Variants in DDX60L observed in about 807,000 individuals in gnomAD.
The protein encoded by DDX60L is DExD/H-box 60 like.
Under a neutral mutation model 211.6 loss-of-function variants are expected in DDX60L, and 191 were observed. The observed-to-expected ratio is 0.90, with a 90% CI of 0.80 to 1.02. The LOEUF is 1.02. Ranked by LOEUF, DDX60L falls within the 50% of genes least tolerant of loss-of-function variation. The probability of loss-of-function intolerance (pLI) is 0.00; values close to 1 mark genes in which losing one functional copy is unlikely to be tolerated. For synonymous variants in DDX60L, 706 were observed against 694.1 expected (o/e 1.02, Z -0.27); for missense variants, 2,007 against 1,984.1 (o/e 1.01, Z -0.22).
chr4:168,406,556 G>T, intron 23 of DDX60L, 46 bp downstream of exon 23: 1 of 1,391,474 alleles, frequency 7.2e-7, no homozygotes, highest in Admixed American at 2.0e-5. Flanking sequence ...TTCTGGAATA[G>T]CATTAACTAA....
intron 35 of DDX60L, among the ~76,000 whole-genome samples, 171 bp from the exon 36 acceptor site, chr4:168,371,934 T>C (rs551450167): frequency 6.6e-6 from 1 of 151,942 alleles, no homozygotes; most frequent in East Asian, 1.9e-4. Flanking sequence ...ATAGGGCCCA[T>C]TACAGTGAGG....
At chr4:168,449,187 C>G (rs1755283232) in intron 8 of DDX60L, among the ~76,000 whole-genome samples, 2 of 152,010 alleles carry the variant, frequency 1.3e-5, no homozygotes, top group Non-Finnish European at 2.9e-5. Flanking sequence ...CCCTGGTGAG[C>G]AGGAAGAAGT....
chr4:168,416,887 G>A (rs1749661113), intron 19 of DDX60L, 90 bp from the exon 20 acceptor site: 1 of 679,818 alleles, frequency 1.5e-6, no homozygotes. Context: ...TATTTTTCCA[G>A]TTTCCTATAA....
chr4:168,459,316 TATAA>T (rs58602584), intron 5 of DDX60L, among the ~76,000 whole-genome samples: 3 of 151,752 alleles, frequency 2.0e-5, no homozygotes, highest in Non-Finnish European at 4.4e-5. Context: ...CGAGACCCTA[TATAA>T]ATAAATAAAT....
In DDX60L at chr4:168,453,300, G is replaced by A. The variant is rs1392971879; in HGVS notation, c.838-18C>T. On this transcript the variant is annotated intron_variant, in intron 7 of 37. Coordinates refer to ENST00000682922, the MANE Select transcript of DDX60L (RefSeq NM_001012967.3). Reference sequence around the variant, plus strand: ...CTGTGCACCTGCGTACAATAAAGAAGATGAGAACAGTCACAATGTCACGCT... The same window carrying A: ...CTGTGCACCTGCGTACAATAAAGAAAATGAGAACAGTCACAATGTCACGCT... 2.5e-6 allele frequency: 4 copies of A among 1,598,834 alleles called. No individual in the cohort carries two copies. The highest frequency in any genetic ancestry group is 3.4e-6 in the Non-Finnish European group (4 of 1,172,336).
At chr4:168,403,817 C>T (rs962882275) in intron 25 of DDX60L, among the ~76,000 whole-genome samples, 165 bp downstream of exon 25, 14 of 152,022 alleles carry the variant, frequency 9.2e-5, no homozygotes, top group Non-Finnish European at 1.6e-4. Flanking sequence ...AGAAGACTGA[C>T]CCATTTCTTT....
At chr4:168,435,544 T>G (rs559663783) in intron 10 of DDX60L, among the ~76,000 whole-genome samples, 2 of 152,132 alleles carry the variant, frequency 1.3e-5, no homozygotes, top group Non-Finnish European at 2.9e-5. Flanking sequence ...GTTCCAGAGG[T>G]GGTTTCATTG....
intron 4 of DDX60L, among the ~76,000 whole-genome samples, chr4:168,466,030 G>GA (rs1161831030): frequency 6.6e-6 from 1 of 151,920 alleles, no homozygotes; most frequent in African/African-American, 2.4e-5. Flanking sequence ...AAATGGTAAA[G>GA]AAAAAACCAT....
In DDX60L at chr4:168,461,687, A is replaced by C. The variant is rs775548813; in HGVS notation, c.606+12T>G. 4.4e-5 allele frequency: 65 copies of C among 1,484,388 alleles called. 1 individual carries two copies. Among genetic ancestry groups the C allele is most frequent in the Non-Finnish European group, 5.8e-5 (65 of 1,111,636 alleles). 92.0% of individuals were successfully genotyped at this position (1,484,388 alleles called of 1,614,324 possible). The stretch of plus-strand genomic sequence containing the variant: ...GAAATCAGGAAAAAAATGAGTTATT[A>C]ATGTCAATTACCTCCTTGGAAAAAG... On this transcript the variant is annotated intron_variant, in intron 5 of 37. Transcript: ENST00000682922.
intron 3 of DDX60L, 31 bp from the exon 4 acceptor site, chr4:168,471,967 A>T: frequency 6.6e-7 from 1 of 1,507,432 alleles, no homozygotes; most frequent in Non-Finnish European, 9.0e-7. Context: ...AATAAAAATC[A>T]CAGATGTTTC....
chr4:168,380,003 G>A, intron 30 of DDX60L, 173 bp from the exon 31 acceptor site: 1 of 487,004 alleles, frequency 2.1e-6, no homozygotes, highest in Non-Finnish European at 3.6e-6. Flanking sequence ...CATGGCACAT[G>A]CTTCCTTGAA....
chr4:168,406,725 A>G lies in DDX60L; in HGVS notation c.2980-19T>C. 1 of 1,440,640 alleles carries G rather than the reference A, an allele frequency of 6.9e-7. No homozygotes were observed. The highest frequency in any genetic ancestry group is 1.4e-5 in the African/African-American group (1 of 70,124). 89.2% of individuals were successfully genotyped at this position (1,440,640 alleles called of 1,614,324 possible). A position where few individuals can be genotyped will look rare whatever the true frequency, so the allele number is the denominator to read the frequency against. On this transcript the variant is annotated intron_variant, in intron 22 of 37. Coordinates refer to ENST00000682922, the MANE Select transcript of DDX60L (RefSeq NM_001012967.3). ...TTTCAATCTGTGAATAAACAAATTA[A>G]TGGATGGATGAAGAAATAAAATTAC...
chr4:168,468,864 C>T (rs554735191), intron 4 of DDX60L: 7 of 151,988 alleles, frequency 4.6e-5, no homozygotes, highest in East Asian at 1.9e-4. Context: ...ATTCAATTTA[C>T]GGTAAGATCA....
chr4:168,443,319 T>G (rs1754238144), intron 9 of DDX60L, among the ~76,000 whole-genome samples: 1 of 151,374 alleles, frequency 6.6e-6, no homozygotes, highest in Non-Finnish European at 1.5e-5. Flanking sequence ...AGAAGGGAAG[T>G]TTAGAGAAAA....
At chr4:168,480,001 A>AAAGAG (rs199636956) in intron 1 of DDX60L, among the ~76,000 whole-genome samples, 1 of 140,386 alleles carries the variant, frequency 7.1e-6, no homozygotes. Context: ...AAAAAAAAAA[A>AAAGAG]AGCTTAAATA....
At chr4:168,388,487 T>C (rs753748354) in intron 29 of DDX60L, among the ~76,000 whole-genome samples, 4 of 152,236 alleles carry the variant, frequency 2.6e-5, no homozygotes, top group Non-Finnish European at 5.9e-5. Flanking sequence ...TGGCATTCAT[T>C]GAGCACTTAC....
chr4:168,445,462 T>A (rs1487533186), intron 9 of DDX60L, among the ~76,000 whole-genome samples: 1 of 152,094 alleles, frequency 6.6e-6, no homozygotes, highest in East Asian at 1.9e-4. Context: ...AAGGAGGAAC[T>A]GGTACCATTC....
Position 168,432,561 on chromosome 4 carries a change from C to A in DDX60L, c.1410G>T (p.Pro470=). ...KDLPILKSDD[P]VVPSLFKQKT... ...TTTGTTTAAACAGTGAAGGAACAAC[C>A]GGATCATCACTGTAAAAATAAATAC... The change falls in exon 12 of 38, where the codon CCG becomes CCT. Residue 470 remains proline (P), a synonymous_variant. Transcript: ENST00000682922. The A allele has an allele frequency of 2.6e-6, 4 of 1,555,126 alleles. No individual in the cohort carries two copies. Among genetic ancestry groups the A allele is most frequent in the Non-Finnish European group, 3.5e-6 (4 of 1,148,790 alleles).
chr4:168,413,172 A>G (rs1748981134), intron 22 of DDX60L, among the ~76,000 whole-genome samples: 1 of 152,206 alleles, frequency 6.6e-6, no homozygotes, highest in Admixed American at 6.5e-5. Flanking sequence ...GGAAAATATG[A>G]CCTCACCTAA....
Sources: gnomAD v4.1 joint callset for allele counts (sites outside exome capture counted in the v4.1 genomes callset) on GRCh38, gnomAD v4.1.1 for gene constraint, MANE v1.5 for transcripts, NCBI Gene and HGNC (gene_info 2026-07-23, HGNC 2026-07-21) for gene names.